ROCK1: variants seen among roughly 807,000 people sequenced by gnomAD.
The protein encoded by ROCK1 is Rho associated coiled-coil containing protein kinase 1, also known as rho-associated protein kinase 1.
A neutral mutation model predicts 196.8 loss-of-function variants in ROCK1; 36 were observed. That is an observed-to-expected ratio of 0.18 (90% CI 0.14 to 0.24). ROCK1 has a LOEUF of 0.24. Among genes scored for constraint, ROCK1 ranks in the 10% least tolerant of loss-of-function variants. The pLI is 1.00. For missense variants in ROCK1, 920 were observed against 1,562.0 expected (o/e 0.59, Z 6.93); for synonymous variants, 443 against 515.9 (o/e 0.86, Z 1.91).
chr18:20,993,051 C>T (rs1436254117), intron 16 of ROCK1, 114 bp from the exon 17 acceptor site: 17 of 575,948 alleles, frequency 3.0e-5, no homozygotes, highest in Admixed American at 9.7e-5. Flanking sequence ...TTTCCTGATC[C>T]GATAAGATTT....
Position 20,950,166 on chromosome 18 carries a change from G to A in ROCK1, c.*1218C>T, listed in dbSNP as rs1391800478. On this transcript the variant is annotated 3_prime_UTR_variant, in exon 33 of 33. Transcript: ENST00000399799. Reference sequence around the variant, plus strand: ...GACAAGAGTTTAACAGTATTTATCTGGTAATTCCTATGTTAACTGGAAAAC... The same window carrying A: ...GACAAGAGTTTAACAGTATTTATCTAGTAATTCCTATGTTAACTGGAAAAC... The A allele has an allele frequency of 6.6e-6, 1 of 152,532 alleles. No individual in the cohort carries two copies. The allele number at this position is 152,532 out of a possible 1,614,324, so 9.4% of individuals were successfully genotyped here.
At chr18:21,083,618 T>C (rs535945218) in intron 1 of ROCK1, among the ~76,000 whole-genome samples, 1 of 152,360 alleles carries the variant, frequency 6.6e-6, no homozygotes, top group East Asian at 1.9e-4. Context: ...ATGGTGAATA[T>C]GAAGACCTTT....
In ROCK1 at chr18:21,088,601, T is replaced by C. The variant is rs556120346; in HGVS notation, c.94-17988A>G. ...AAAGGGATCATCTGAACAAATTTGC[T>C]ATGGTCTGAAAGTGCCAAAATTCAT... On this transcript the variant is annotated intron_variant, in intron 1 of 32. Transcript: ENST00000399799. Among the ~76,000 whole-genome samples, 9 of 152,318 alleles carry C rather than the reference T, an allele frequency of 5.9e-5. 1 individual carries two copies. The South Asian group carries it at 1.9e-3, about 32-fold the overall frequency.
rs1189839450 is a variant in ROCK1 at position 20,948,720 on chromosome 18, A to C, written c.*2664T>G. ...GAGAAAGCTAGAGGCTATATTTCTC[A>C]GACTTTCTTGCAGCTAGGGGTCTGG... On this transcript the variant is annotated 3_prime_UTR_variant, in exon 33 of 33. Coordinates refer to ENST00000399799, the MANE Select transcript of ROCK1 (RefSeq NM_005406.3). 1 of 151,696 alleles carries C rather than the reference A, an allele frequency of 6.6e-6. No homozygotes were observed. The highest frequency in any genetic ancestry group is 1.5e-5 in the Non-Finnish European group (1 of 68,002). The allele number at this position is 151,696 out of a possible 1,614,324, so 9.4% of individuals were successfully genotyped here. A position where few individuals can be genotyped will look rare whatever the true frequency, so the allele number is the denominator to read the frequency against.
intron 1 of ROCK1, among the ~76,000 whole-genome samples, chr18:21,106,384 C>G (rs989614848): frequency 3.3e-5 from 5 of 152,198 alleles, no homozygotes; most frequent in Admixed American, 2.6e-4. Flanking sequence ...CTCACTGCAA[C>G]CTCCCCGTCC....
In ROCK1 at chr18:21,049,893, A is replaced by G. The variant is rs528344664; in HGVS notation, c.176-13T>C. 8.8e-6 allele frequency: 13 copies of G among 1,469,646 alleles called. No individual in the cohort carries two copies. The African/African-American group carries it at 1.6e-4, about 18-fold the overall frequency. 91.0% of individuals were successfully genotyped at this position (1,469,646 alleles called of 1,614,324 possible). On this transcript the variant is annotated splice_polypyrimidine_tract_variant and intron_variant, in intron 2 of 32. Transcript: ENST00000399799. Reference sequence around the variant, plus strand: ...ATTGTGTCTTTATCTGTATGAAAAGAAAAGTTTATCATTTTAAATCACTAA... The same window carrying G: ...ATTGTGTCTTTATCTGTATGAAAAGGAAAGTTTATCATTTTAAATCACTAA...
intron 9 of ROCK1, among the ~76,000 whole-genome samples, chr18:21,034,843 A>G (rs9947681): frequency 0.01 from 1,545 of 152,354 alleles, 20 homozygotes; most frequent in African/African-American, 0.036. Flanking sequence ...AACAGAGTGC[A>G]GAGAATAGAA....
intron 1 of ROCK1, among the ~76,000 whole-genome samples, chr18:21,098,588 G>A (rs190139929): frequency 2.1e-4 from 32 of 150,864 alleles, no homozygotes; most frequent in East Asian, 7.8e-4. Flanking sequence ...AAAATTGTGC[G>A]GCAAAGTAAC....
At chr18:21,053,207 C>T (rs140738745) in intron 2 of ROCK1, among the ~76,000 whole-genome samples, 69 of 152,254 alleles carry the variant, frequency 4.5e-4, no homozygotes, top group African/African-American at 1.6e-3. Flanking sequence ...CAATCACACA[C>T]CATCAGTGAA....
intron 22 of ROCK1, among the ~76,000 whole-genome samples, chr18:20,977,990 G>A (rs1334020368): frequency 6.6e-6 from 1 of 152,180 alleles, no homozygotes; most frequent in Non-Finnish European, 1.5e-5. Context: ...TATACCCGCT[G>A]TGATGCTAAA....
At chr18:21,036,651 T>C (rs2143494073) in intron 9 of ROCK1, among the ~76,000 whole-genome samples, 1 of 152,156 alleles carries the variant, frequency 6.6e-6, no homozygotes, top group South Asian at 2.1e-4. Context: ...TCTCGCAACA[T>C]TACCCAGGTT....
chr18:21,016,190 A>ACTTATACC (rs2035861851), intron 12 of ROCK1, among the ~76,000 whole-genome samples: 1 of 152,220 alleles, frequency 6.6e-6, no homozygotes, highest in Admixed American at 6.5e-5. Context: ...TTGGTAATAA[A>ACTTATACC]AATTAACAAC....
At chr18:21,055,954 T>C (rs2143527547) in intron 2 of ROCK1, among the ~76,000 whole-genome samples, 1 of 152,340 alleles carries the variant, frequency 6.6e-6, no homozygotes, top group African/African-American at 2.4e-5. Flanking sequence ...TCTTGATATA[T>C]CAGTGGCTTT....
intron 9 of ROCK1, among the ~76,000 whole-genome samples, chr18:21,033,337 T>C (rs1441190830): frequency 6.6e-6 from 1 of 152,148 alleles, no homozygotes; most frequent in Non-Finnish European, 1.5e-5. Context: ...ACTTCCTCAA[T>C]ATGATAAAGG....
intron 13 of ROCK1, among the ~76,000 whole-genome samples, chr18:21,012,948 A>C (rs2143448825): frequency 6.6e-6 from 1 of 152,032 alleles, no homozygotes; most frequent in East Asian, 1.9e-4. Context: ...TATTTCAGTT[A>C]TTGTAATTTT....
chr18:21,018,481 G>A (rs1235745190), intron 12 of ROCK1, among the ~76,000 whole-genome samples: 3 of 149,932 alleles, frequency 2.0e-5, no homozygotes, highest in Non-Finnish European at 2.9e-5. Flanking sequence ...AGTGAGCCGC[G>A]ATCGCGCCAT....
At chr18:20,976,314 G>C (rs911676423) in intron 22 of ROCK1, among the ~76,000 whole-genome samples, 10 of 152,174 alleles carry the variant, frequency 6.6e-5, no homozygotes, top group Non-Finnish European at 8.8e-5. Context: ...ATAAAGAGTG[G>C]CTTTGTTCTT....
At chr18:20,978,260 T>A (rs1209366429) in intron 22 of ROCK1, among the ~76,000 whole-genome samples, 1 of 150,884 alleles carries the variant, frequency 6.6e-6, no homozygotes. Context: ...TTGCAACACC[T>A]AATGTATTAA....
chr18:20,958,020 T>C (rs1304371616), intron 29 of ROCK1, among the ~76,000 whole-genome samples: 1 of 152,136 alleles, frequency 6.6e-6, no homozygotes, highest in African/African-American at 2.4e-5. Context: ...TTTACAACTG[T>C]AAAAAGTTAC....
Sources: gnomAD v4.1 joint callset for allele counts (sites outside exome capture counted in the v4.1 genomes callset) on GRCh38, gnomAD v4.1.1 for gene constraint, MANE v1.5 for transcripts, NCBI Gene and HGNC (gene_info 2026-07-23, HGNC 2026-07-21) for gene names.